The following APBB2 variants were observed in gnomAD, a reference collection of about 807,000 sequenced individuals.
The protein encoded by APBB2 is Fe65-like 1.
Under a neutral mutation model 82.5 loss-of-function variants are expected in APBB2, and 38 were observed. That is an observed-to-expected ratio of 0.46 (90% CI 0.36 to 0.60). APBB2 has a LOEUF of 0.60. Ranked by LOEUF, APBB2 falls within the 20% of genes least tolerant of loss-of-function variation. The pLI, the probability that APBB2 is intolerant of heterozygous loss-of-function variation, is 0.00. For synonymous variants in APBB2, 341 were observed against 368.2 expected, an observed-to-expected ratio of 0.93 and a Z score of 0.85; for missense variants, 772 against 972.3, an observed-to-expected ratio of 0.79 and a Z score of 2.74.
chr4:40,973,378 C>T (rs1796410238), intron 6 of APBB2, among the ~76,000 whole-genome samples: 1 of 152,206 alleles, frequency 6.6e-6, no homozygotes, highest in Non-Finnish European at 1.5e-5. Context: ...TTTCTCTTGA[C>T]TTAGCCCTTC....
rs868515004 is a variant in APBB2 at position 40,813,828 on chromosome 4, G to A, written c.*2264C>T. On this transcript the variant is annotated 3_prime_UTR_variant, in exon 18 of 18. Coordinates refer to ENST00000508593, the MANE Select transcript of APBB2 (RefSeq NM_004307.2). ...ACTAAAATGTTTCACTACAGCGACC[G>A]AGATGAAAGATCACTGTAAATGATT... 1 of 152,136 alleles carries A rather than the reference G, an allele frequency of 6.6e-6. No individual in the cohort carries two copies. The highest frequency in any genetic ancestry group is 2.4e-5 in the African/African-American group (1 of 41,422). 9.4% of individuals were successfully genotyped at this position (152,136 alleles called of 1,614,324 possible). A position where few individuals can be genotyped will look rare whatever the true frequency, so the allele number is the denominator to read the frequency against.
At position 40,845,588 on chromosome 4, in the gene APBB2, C is replaced by CAAAAAAAAAAAAAAAAAAAA. The variant is rs71198606; in HGVS notation, c.1530-15031_1530-15012dup. Reference sequence around the variant, plus strand: ...GAATCCAAATGAAAAGGAAATTCCTCAAAAAAAAAAAAAAAAAAAAAAAAA... The same window carrying CAAAAAAAAAAAAAAAAAAAA: ...GAATCCAAATGAAAAGGAAATTCCTCAAAAAAAAAAAAAAAAAAAAAAAAAAAAAAAAAAAAAAAAAAAAA... On this transcript the variant is annotated intron_variant, in intron 12 of 17. Coordinates refer to ENST00000508593, the MANE Select transcript of APBB2 (RefSeq NM_004307.2). 2.5e-4 allele frequency among the ~76,000 whole-genome samples: 14 copies of CAAAAAAAAAAAAAAAAAAAA among 56,482 alleles called. 2 individuals are homozygous for CAAAAAAAAAAAAAAAAAAAA. Among genetic ancestry groups the CAAAAAAAAAAAAAAAAAAAA allele is most frequent in the Non-Finnish European group, 4.2e-4 (14 of 33,440 alleles). 37.1% of individuals were successfully genotyped at this position (56,482 alleles called of 152,430 possible). A position where few individuals can be genotyped will look rare whatever the true frequency, so the allele number is the denominator to read the frequency against.
intron 12 of APBB2, among the ~76,000 whole-genome samples, chr4:40,850,099 G>A (rs1254413833): frequency 5.3e-5 from 8 of 152,080 alleles, no homozygotes; most frequent in African/African-American, 1.9e-4. Flanking sequence ...ATATGATGAA[G>A]AATCTTTAAA....
At chr4:40,952,113 G>A (rs2154384453) in intron 6 of APBB2, among the ~76,000 whole-genome samples, 1 of 150,984 alleles carries the variant, frequency 6.6e-6, no homozygotes, top group East Asian at 1.9e-4. Flanking sequence ...TTGAACCCAG[G>A]AGGTGGAGGT....
chr4:41,013,214 TTC>T (rs1477987275), intron 6 of APBB2, among the ~76,000 whole-genome samples: 1 of 152,204 alleles, frequency 6.6e-6, no homozygotes, highest in Non-Finnish European at 1.5e-5. Context: ...ACAACTTTGT[TTC>T]TTTTATTATT....
chr4:41,079,284 A>G (rs1370443820), intron 3 of APBB2, among the ~76,000 whole-genome samples: 1 of 152,206 alleles, frequency 6.6e-6, no homozygotes, highest in Non-Finnish European at 1.5e-5. Context: ...TATCTTCTCA[A>G]TAAATTATTT....
chr4:40,847,062 CTTTAAAG>C (rs1757890281), intron 12 of APBB2, among the ~76,000 whole-genome samples: 1 of 152,132 alleles, frequency 6.6e-6, no homozygotes, highest in African/African-American at 2.4e-5. Context: ...CCAGTTTCAA[CTTTAAAG>C]TTTAGGGTAT....
chr4:40,815,684 T>C lies in APBB2; in HGVS notation c.*408A>G. Reference sequence around the variant, plus strand: ...CAATGTTGAAAACAGGGCAAAGTGCTGTAGGACTTAAAGGTTGCTTGTGAC... The same window carrying C: ...CAATGTTGAAAACAGGGCAAAGTGCCGTAGGACTTAAAGGTTGCTTGTGAC... On this transcript the variant is annotated 3_prime_UTR_variant, in exon 18 of 18. Transcript: ENST00000508593. The C allele has an allele frequency of 5.6e-6, 1 of 179,422 alleles. No individual in the cohort carries two copies. Among genetic ancestry groups the C allele is most frequent in the Non-Finnish European group, 1.2e-5 (1 of 82,454 alleles). 11.1% of individuals were successfully genotyped at this position (179,422 alleles called of 1,614,324 possible). A position where few individuals can be genotyped will look rare whatever the true frequency, so the allele number is the denominator to read the frequency against.
chr4:41,055,304 C>T (rs1727447385), intron 4 of APBB2, among the ~76,000 whole-genome samples: 1 of 152,172 alleles, frequency 6.6e-6, no homozygotes, highest in African/African-American at 2.4e-5. Context: ...TACCATGATC[C>T]ACAATTATCT....
chr4:41,151,798 G>A (rs1407884691), intron 1 of APBB2, among the ~76,000 whole-genome samples: 1 of 150,468 alleles, frequency 6.6e-6, no homozygotes, highest in African/African-American at 2.4e-5. Flanking sequence ...GTGAATTAAA[G>A]TTTCTTTATG....
chr4:40,965,331 T>C (rs1236067605), intron 6 of APBB2, among the ~76,000 whole-genome samples: 1 of 152,210 alleles, frequency 6.6e-6, no homozygotes, highest in Admixed American at 6.5e-5. Context: ...TAGATTTATA[T>C]ATTTCCTTAA....
At position 40,908,942 on chromosome 4, in the gene APBB2, C is replaced by G. The variant is rs1278004484; in HGVS notation, c.1255-15531G>C. On this transcript the variant is annotated intron_variant, in intron 10 of 17. Coordinates refer to ENST00000508593, the MANE Select transcript of APBB2 (RefSeq NM_004307.2). ...GGAGGCAAAGGAAATGCCCAGGGAA[C>G]CGACTAACTGCCTGCTAGCTGCGTC... is the stretch of plus-strand genomic sequence containing the variant. 2.0e-5 allele frequency among the ~76,000 whole-genome samples: 3 copies of G among 152,154 alleles called. No homozygotes were observed. In the East Asian group the frequency reaches 5.8e-4, roughly 29 times the overall value.
chr4:40,827,219 T>C lies in APBB2; in HGVS notation c.1645A>G (p.Ile549Val). 1 of 1,614,146 alleles carries C rather than the reference T, an allele frequency of 6.2e-7. No individual in the cohort carries two copies. The highest frequency in any genetic ancestry group is 1.1e-5 in the South Asian group (1 of 91,090). ...ATSLHEICSKIMAERKNAKAL... is the reference protein window; with the variant it reads ...ATSLHEICSKVMAERKNAKAL... Reference sequence around the variant, plus strand: ...TTGGCATTCTTCCGTTCAGCCATAATCTAAGGGGGAAAAAGTGCAGCTTTG... The same window carrying C: ...TTGGCATTCTTCCGTTCAGCCATAACCTAAGGGGGAAAAAGTGCAGCTTTG... The change falls in exon 14 of 18, where the codon ATT becomes GTT. Residue 549 changes from isoleucine (I) to valine (V), a missense_variant and splice_region_variant. Ile to Val is a conservative substitution (Grantham distance 29). Coordinates refer to ENST00000508593, the MANE Select transcript of APBB2 (RefSeq NM_004307.2).
At chr4:41,156,303 C>A (rs1763429201) in intron 1 of APBB2, among the ~76,000 whole-genome samples, 1 of 152,162 alleles carries the variant, frequency 6.6e-6, no homozygotes, top group Non-Finnish European at 1.5e-5. Context: ...AAAATACAAA[C>A]TGCTACTTTA....
At chr4:41,159,955 G>GAAGAAGAAGAAGAAGA (rs1764531774) in intron 1 of APBB2, among the ~76,000 whole-genome samples, 11 of 48,786 alleles carry the variant, frequency 2.3e-4, no homozygotes, top group African/African-American at 6.2e-4. Flanking sequence ...GAAGGAGAAG[G>GAAGAAGAAGAAGAAGA]AGAAGGAGAA....
intron 12 of APBB2, among the ~76,000 whole-genome samples, chr4:40,859,387 C>A (rs1410743371): frequency 5.3e-5 from 8 of 151,790 alleles, no homozygotes; most frequent in African/African-American, 1.5e-4. Context: ...CCTCATGCTT[C>A]AGAGATGGGG....
chr4:40,969,792 C>A (rs1795518015), intron 6 of APBB2, among the ~76,000 whole-genome samples: 1 of 152,132 alleles, frequency 6.6e-6, no homozygotes, highest in South Asian at 2.1e-4. Context: ...ATACATTGAC[C>A]AGTTTTGGAT....
In APBB2 at chr4:40,970,989, C is replaced by G. The variant is rs1361231697; in HGVS notation, c.836-25916G>C. ...CAATAACTAAACAGTCCCCTTCTGA[C>G]TGTGCCATTTATTTACAGTTTATGT... is the stretch of plus-strand genomic sequence containing the variant. On this transcript the variant is annotated intron_variant, in intron 6 of 17. Transcript: ENST00000508593. Among the ~76,000 whole-genome samples the G allele has an allele frequency of 2.0e-5, 3 of 152,198 alleles. No homozygotes were observed. The East Asian group carries it at 5.8e-4, about 29-fold the overall frequency.
chr4:41,157,282 T>G (rs78343044), intron 1 of APBB2, among the ~76,000 whole-genome samples: 6,198 of 152,246 alleles, frequency 0.041, 143 homozygotes, highest in Middle Eastern at 0.058. Flanking sequence ...TATTTTTCCC[T>G]GGACTACTTT....
Sources: allele counts gnomAD v4.1 joint callset (sites outside exome capture counted in the v4.1 genomes callset), GRCh38; gene constraint gnomAD v4.1.1; transcripts MANE v1.5; gene names NCBI Gene and HGNC (gene_info 2026-07-23, HGNC 2026-07-21).